The following GALNT13 variants were observed in gnomAD, a reference collection of about 807,000 sequenced individuals.
GALNT13 encodes the protein UDP-GalNAc:polypeptide N-acetylgalactosaminyltransferase 13.
In GALNT13, 28 loss-of-function variants were observed where a neutral mutation model predicts 64.2. That is an observed-to-expected ratio of 0.44 (90% CI 0.32 to 0.60). GALNT13 has a LOEUF of 0.60. GALNT13 is among the 20% of genes least tolerant of loss of function. The pLI is 0.05. For synonymous variants in GALNT13, 214 were observed against 224.6 expected, an observed-to-expected ratio of 0.95 and a Z score of 0.42; for missense variants, 577 against 669.8, an observed-to-expected ratio of 0.86 and a Z score of 1.53.
intron 4 of GALNT13, among the ~76,000 whole-genome samples, chr2:154,208,009 A>G (rs1353198476): frequency 6.6e-6 from 1 of 152,082 alleles, no homozygotes; most frequent in Non-Finnish European, 1.5e-5. Flanking sequence ...GCTCTTTTCT[A>G]TTTCAATAAT....
At chr2:154,129,550 TG>T (rs1682493490) in intron 3 of GALNT13, among the ~76,000 whole-genome samples, 1 of 152,146 alleles carries the variant, frequency 6.6e-6, no homozygotes, top group Non-Finnish European at 1.5e-5. Context: ...TTTCAAAGTA[TG>T]GGGTTTGCAA....
chr2:153,302,406 T>G, the GALNT13 span, among the ~76,000 whole-genome samples: 3 of 152,116 alleles, frequency 2.0e-5, no homozygotes, highest in Non-Finnish European at 4.4e-5. Flanking sequence ...GGGTTTTGTT[T>G]TTGTTTTTGT....
chr2:153,434,024 T>C, the GALNT13 span, among the ~76,000 whole-genome samples: 1 of 151,986 alleles, frequency 6.6e-6, no homozygotes, highest in South Asian at 2.1e-4. Flanking sequence ...GTTCCCCTTG[T>C]TGTGTTCATG....
rs769643514 is a variant in GALNT13, at chr2:154,438,675, G to A, written c.1479G>A (p.Met493Ile). Residue 493 changes from methionine (M) to isoleucine (I), a missense_variant, in exon 12 of 13, where the codon ATG (methionine) becomes ATA (isoleucine). Physicochemically the swap from Met to Ile is conservative, Grantham distance 10 (BLOSUM62 1). Around this residue, in one of 3 missense-constraint regions of GALNT13, gnomAD observed 232 missense variants for 270.6 expected, o/e 0.86. Transcript: ENST00000392825. The stretch of plus-strand genomic sequence containing the variant: ...CTAGACTCAATGGACCTGTAATCAT[G>A]TTAAAATGCCACCATATGAGAGGAA... ...DVSRLNGPVI[M>I]LKCHHMRGNQ... 1 of 1,611,994 alleles carries A rather than the reference G, an allele frequency of 6.2e-7. No individual in the cohort carries two copies. Among genetic ancestry groups the A allele is most frequent in the South Asian group, 1.1e-5 (1 of 90,978 alleles).
At chr2:153,664,259 C>A in the GALNT13 span, among the ~76,000 whole-genome samples, 2 of 152,258 alleles carry the variant, frequency 1.3e-5, no homozygotes, top group African/African-American at 4.8e-5. Flanking sequence ...ATATACCCAC[C>A]CCTGGGAATG....
At chr2:153,196,631 G>A in the GALNT13 span, among the ~76,000 whole-genome samples, 2 of 151,932 alleles carry the variant, frequency 1.3e-5, no homozygotes, top group African/African-American at 2.4e-5. Context: ...AGGCAGCCCC[G>A]GCCATGCCTG....
At chr2:153,263,028 A>C in the GALNT13 span, among the ~76,000 whole-genome samples, 1 of 152,078 alleles carries the variant, frequency 6.6e-6, no homozygotes, top group Non-Finnish European at 1.5e-5. Context: ...TATAGATATA[A>C]TCCTATATCT....
the GALNT13 span, among the ~76,000 whole-genome samples, chr2:153,531,170 G>A: frequency 1.3e-5 from 2 of 152,118 alleles, no homozygotes; most frequent in East Asian, 3.9e-4. Flanking sequence ...TTGCTATAAA[G>A]AAATACCTAA....
At chr2:153,635,098 A>C in the GALNT13 span, among the ~76,000 whole-genome samples, 2 of 151,084 alleles carry the variant, frequency 1.3e-5, no homozygotes, top group Non-Finnish European at 3.0e-5. Flanking sequence ...AAAGCAGGGG[A>C]AAAAAAAACC....
the GALNT13 span, among the ~76,000 whole-genome samples, chr2:153,258,048 A>T: frequency 1.8e-4 from 27 of 152,050 alleles, no homozygotes; most frequent in Non-Finnish European, 2.5e-4. Flanking sequence ...AATTTACCCA[A>T]CTCATAGGTA....
the GALNT13 span, among the ~76,000 whole-genome samples, chr2:153,363,412 C>T: frequency 6.6e-6 from 1 of 151,812 alleles, no homozygotes; most frequent in East Asian, 1.9e-4. Flanking sequence ...GATAGAGACA[C>T]AAAAAATCCT....
chr2:153,763,768 A>T, the GALNT13 span, among the ~76,000 whole-genome samples: 2 of 152,218 alleles, frequency 1.3e-5, no homozygotes, highest in South Asian at 4.1e-4. Flanking sequence ...GGGTAACAGG[A>T]AGAGGTTGGA....
At chr2:154,149,803 C>G (rs977153273) in intron 4 of GALNT13, among the ~76,000 whole-genome samples, 3 of 152,144 alleles carry the variant, frequency 2.0e-5, no homozygotes, top group South Asian at 2.1e-4. Context: ...GCTGAAGTTG[C>G]TTATCAGCTT....
intron 8 of GALNT13, among the ~76,000 whole-genome samples, chr2:154,275,307 C>G (rs761942321): frequency 7.2e-5 from 11 of 152,022 alleles, no homozygotes; most frequent in South Asian, 2.1e-4. Flanking sequence ...TCACAGCAGC[C>G]CTTCCCATCA....
the GALNT13 span, among the ~76,000 whole-genome samples, chr2:153,104,351 G>A: frequency 6.6e-6 from 1 of 152,104 alleles, no homozygotes; most frequent in South Asian, 2.1e-4. Context: ...ACATTTCAAA[G>A]TTTTTAAATT....
At chr2:154,330,916 T>C (rs983104247) in intron 9 of GALNT13, among the ~76,000 whole-genome samples, 1 of 152,168 alleles carries the variant, frequency 6.6e-6, no homozygotes, top group African/African-American at 2.4e-5. Context: ...AAAGGAATTG[T>C]AGTACAACTT....
chr2:153,206,566 A>G, the GALNT13 span, among the ~76,000 whole-genome samples: 2 of 152,060 alleles, frequency 1.3e-5, no homozygotes, highest in African/African-American at 2.4e-5. Flanking sequence ...GTCATTTTGA[A>G]GGGTCATCCT....
the GALNT13 span, among the ~76,000 whole-genome samples, chr2:153,417,458 G>A: frequency 6.6e-6 from 1 of 152,284 alleles, no homozygotes; most frequent in Admixed American, 6.5e-5. Context: ...TAGAGAGATG[G>A]ATAAGGAGGA....
At chr2:154,117,519 A>G (rs1593243) in intron 3 of GALNT13, among the ~76,000 whole-genome samples, 115,109 of 152,094 alleles carry the variant, frequency 0.76, 43,943 homozygotes, top group East Asian at 0.96. Flanking sequence ...AACATATGAT[A>G]TTTGGTTTTC....
Sources: gnomAD v4.1 joint callset for allele counts (sites outside exome capture counted in the v4.1 genomes callset) on GRCh38, gnomAD v4.1.1 for gene constraint, gnomAD v4.1.1 regional missense constraint, MANE v1.5 for transcripts, NCBI Gene and HGNC (gene_info 2026-07-23, HGNC 2026-07-21) for gene names.